PRKCQ: variants seen among roughly 807,000 people sequenced by gnomAD.
The protein encoded by PRKCQ is protein kinase C theta.
Under a neutral mutation model 91.2 loss-of-function variants are expected in PRKCQ, and 41 were observed. The ratio of observed to expected loss-of-function variants is 0.45; its 90% CI spans 0.35 to 0.58. PRKCQ has a LOEUF of 0.58. Ranked by LOEUF, PRKCQ falls within the 20% of genes least tolerant of loss-of-function variation. The probability of loss-of-function intolerance (pLI) is 0.00; values close to 1 mark genes in which losing one functional copy is unlikely to be tolerated. For missense variants in PRKCQ, 673 were observed against 896.5 expected (o/e 0.75, Z 3.18); for synonymous variants, 307 against 316.9 (o/e 0.97, Z 0.33).
At chr10:6,545,507 C>T (rs1417123657) in intron 1 of PRKCQ, among the ~76,000 whole-genome samples, 1 of 152,192 alleles carries the variant, frequency 6.6e-6, no homozygotes, top group Non-Finnish European at 1.5e-5. Flanking sequence ...AAATGTTAAA[C>T]AGTTCCACTG....
chr10:6,434,046 A>AAAG (rs1465598587), intron 16 of PRKCQ, among the ~76,000 whole-genome samples: 8 of 151,058 alleles, frequency 5.3e-5, no homozygotes, highest in Non-Finnish European at 1.2e-4. Context: ...AAAAAAAAAA[A>AAAG]AAAGGAAGCA....
intron 17 of PRKCQ, among the ~76,000 whole-genome samples, chr10:6,429,020 T>G (rs111963222): frequency 5.3e-5 from 8 of 152,192 alleles, no homozygotes; most frequent in Non-Finnish European, 1.2e-4. Context: ...TGCTGTTCAG[T>G]ATGGTGTTCA....
chr10:6,428,994 A>ACAT (rs2132220773), intron 17 of PRKCQ, among the ~76,000 whole-genome samples: 1 of 152,354 alleles, frequency 6.6e-6, no homozygotes, highest in South Asian at 2.1e-4. Context: ...GGGAAAGCAA[A>ACAT]CATCTATTTC....
At chr10:6,492,117 TA>T (rs1837336742) in intron 7 of PRKCQ, among the ~76,000 whole-genome samples, 1 of 152,124 alleles carries the variant, frequency 6.6e-6, no homozygotes, top group African/African-American at 2.4e-5. Flanking sequence ...AGGGTTATTT[TA>T]AAAAGTGCTA....
Position 6,556,433 on chromosome 10 carries a change from GGAAA to G in PRKCQ, c.-10+23774_-10+23777del, listed in dbSNP as rs1162663883. ...AGCAACAAAGCAAGACCCTGTCTTG[GGAAA>G]AAAAAAAAAAAAAAAAAAGCAACAC... On this transcript the variant is annotated intron_variant, in intron 1 of 17. Coordinates refer to ENST00000263125, the MANE Select transcript of PRKCQ (RefSeq NM_006257.5). 5.6e-3 allele frequency among the ~76,000 whole-genome samples: 521 copies of G among 93,434 alleles called. 20 individuals are homozygous for G. Among genetic ancestry groups the G allele is most frequent in the South Asian group, 6.7e-3 (20 of 2,988 alleles). 61.3% of individuals were successfully genotyped at this position (93,434 alleles called of 152,430 possible). A position where few individuals can be genotyped will look rare whatever the true frequency, so the allele number is the denominator to read the frequency against.
At position 6,428,218 on chromosome 10, in the gene PRKCQ, G is replaced by A; in HGVS notation, c.2110C>T (p.Leu704=). 2.5e-6 allele frequency: 4 copies of A among 1,614,178 alleles called. No homozygotes were observed. Among genetic ancestry groups the A allele is most frequent in the Non-Finnish European group, 3.4e-6 (4 of 1,180,040 alleles). The change falls in exon 18 of 18, where the codon CTG becomes TTG. Residue 704 remains leucine (L), a synonymous_variant. Coordinates refer to ENST00000263125, the MANE Select transcript of PRKCQ (RefSeq NM_006257.5). ...TGGAGGGGCAAGATTCAGGATATCA[G>A]CCGCTCCATCCCGGGGTTCATGAAG... ...FSFMNPGMER[L]IS
intron 4 of PRKCQ, among the ~76,000 whole-genome samples, chr10:6,501,086 G>T (rs531254805): frequency 6.6e-6 from 1 of 152,308 alleles, no homozygotes; most frequent in Admixed American, 6.5e-5. Flanking sequence ...TTTCAGCATT[G>T]TATGATAGAG....
At chr10:6,508,280 A>G (rs1838299233) in intron 3 of PRKCQ, among the ~76,000 whole-genome samples, 1 of 129,364 alleles carries the variant, frequency 7.7e-6, no homozygotes, top group African/African-American at 2.4e-5. Context: ...CCATTAACAG[A>G]CCAAAAAGAA....
At chr10:6,416,846 T>G in the PRKCQ span, among the ~76,000 whole-genome samples, 19 of 152,352 alleles carry the variant, frequency 1.2e-4, no homozygotes, top group Admixed American at 8.5e-4. Context: ...GTAAAAGTGT[T>G]GTCTTTTCAC....
intron 15 of PRKCQ, among the ~76,000 whole-genome samples, chr10:6,450,839 C>A (rs995136278): frequency 6.6e-6 from 1 of 151,948 alleles, no homozygotes. Flanking sequence ...GGGTACATAA[C>A]GAAATGAAGG....
rs1833998492 is a variant in PRKCQ, at chr10:6,442,071, C to T, written c.1658G>A (p.Gly553Asp). The T allele has an allele frequency of 1.2e-6, 2 of 1,611,818 alleles. No individual in the cohort carries two copies. The highest frequency in any genetic ancestry group is 1.7e-6 in the Non-Finnish European group (2 of 1,178,340). Residue 553 changes from glycine (G) to aspartate (D), a missense_variant, in exon 16 of 18, where the codon GGT (glycine) becomes GAT (aspartate). Coordinates refer to ENST00000263125, the MANE Select transcript of PRKCQ (RefSeq NM_006257.5). Reference sequence around the variant, plus strand: ...GTCCACAGAGTGGTTGTATTTCTGACCCAGCAAGATCTGCACAACCAAAAG... The same window carrying T: ...GTCCACAGAGTGGTTGTATTTCTGATCCAGCAAGATCTGCACAACCAAAAG... ...PDYIAPEILL[G>D]QKYNHSVDWW...
chr10:6,579,854 T>G (rs1277068402), intron 1 of PRKCQ, among the ~76,000 whole-genome samples: 4 of 150,940 alleles, frequency 2.7e-5, no homozygotes, highest in Non-Finnish European at 5.9e-5. Flanking sequence ...TTTTTTTTTT[T>G]TACCAAGAAT....
At chr10:6,457,584 T>G (rs1588689302) in intron 14 of PRKCQ, among the ~76,000 whole-genome samples, 1 of 152,156 alleles carries the variant, frequency 6.6e-6, no homozygotes, top group East Asian at 1.9e-4. Flanking sequence ...GGAAACTGGA[T>G]GAAGGGCAAA....
intron 14 of PRKCQ, among the ~76,000 whole-genome samples, chr10:6,460,394 G>C (rs1835256076): frequency 6.6e-6 from 1 of 151,912 alleles, no homozygotes; most frequent in Non-Finnish European, 1.5e-5. Flanking sequence ...GAGGCATGTG[G>C]GTTTAGGTTT....
At chr10:6,579,018 G>A (rs1321381181) in intron 1 of PRKCQ, among the ~76,000 whole-genome samples, 1 of 152,204 alleles carries the variant, frequency 6.6e-6, no homozygotes, top group Non-Finnish European at 1.5e-5. Flanking sequence ...AAAGAGCAAC[G>A]GAGTGGACCC....
At chr10:6,506,831 A>C (rs1445089608) in intron 4 of PRKCQ, among the ~76,000 whole-genome samples, 1 of 152,142 alleles carries the variant, frequency 6.6e-6, no homozygotes, top group Non-Finnish European at 1.5e-5. Flanking sequence ...AAGTAGGGGG[A>C]TTTGATTCAC....
intron 16 of PRKCQ, among the ~76,000 whole-genome samples, chr10:6,438,352 T>C (rs1833800214): frequency 6.6e-6 from 1 of 152,216 alleles, no homozygotes; most frequent in Non-Finnish European, 1.5e-5. Context: ...AAAAAGTAGA[T>C]TAGTGAAAAA....
intron 7 of PRKCQ, among the ~76,000 whole-genome samples, chr10:6,492,420 T>G (rs930454138): frequency 6.6e-6 from 1 of 152,172 alleles, no homozygotes; most frequent in Non-Finnish European, 1.5e-5. Flanking sequence ...ATTACATAGG[T>G]GATATCTCAC....
In PRKCQ at chr10:6,483,588, A is replaced by G; in HGVS notation, c.1031T>C (p.Ile344Thr). The change falls in exon 11 of 18, where the codon ATT becomes ACT. Residue 344 changes from isoleucine (I) to threonine (T), a missense_variant. Coordinates refer to ENST00000263125, the MANE Select transcript of PRKCQ (RefSeq NM_006257.5). ...CTCATCCAACGGAGACTCCCAGGAA[A>G]TGCCCTGAGGCTCTGAAAATGCAAG... ...PTPGKREPQGISWESPLDEVD... is the reference protein window; with the variant it reads ...PTPGKREPQGTSWESPLDEVD... 6.2e-7 allele frequency: 1 copy of G among 1,614,186 alleles called. No homozygotes were observed. The highest frequency in any genetic ancestry group is 8.5e-7 in the Non-Finnish European group (1 of 1,180,028).
Sources: allele counts gnomAD v4.1 joint callset (sites outside exome capture counted in the v4.1 genomes callset), GRCh38; gene constraint gnomAD v4.1.1; transcripts MANE v1.5; gene names NCBI Gene and HGNC (gene_info 2026-07-23, HGNC 2026-07-21).